Variants in TRAPPC9 observed in about 807,000 individuals in gnomAD.
TRAPPC9 encodes the protein IKK2 binding protein.
Under a neutral mutation model 124.0 loss-of-function variants are expected in TRAPPC9, and 83 were observed. The observed-to-expected ratio is 0.67, with a 90% CI of 0.56 to 0.80. The LOEUF is 0.80. TRAPPC9 is among the 30% of genes least tolerant of loss of function. TRAPPC9 has a pLI of 0.00. For synonymous variants in TRAPPC9, 638 were observed against 617.5 expected, an observed-to-expected ratio of 1.03 and a Z score of -0.49; for missense variants, 1,302 against 1,508.3, an observed-to-expected ratio of 0.86 and a Z score of 2.27.
rs187231776 is a variant in TRAPPC9, at chr8:140,147,278, T to C, written c.2556+74181A>G. On this transcript the variant is annotated intron_variant, in intron 17 of 22. Transcript: ENST00000438773. ...TGCCATTGGCAAGAACCTCTTTCGA[T>C]GTCTGGATCTCTCCTCTGGGTCAAC... 3.9e-5 allele frequency among the ~76,000 whole-genome samples: 6 copies of C among 152,346 alleles called. 1 individual carries two copies. In the East Asian group the frequency reaches 1.2e-3, roughly 29 times the overall value.
intron 7 of TRAPPC9, among the ~76,000 whole-genome samples, chr8:140,373,464 C>T (rs935987654): frequency 6.6e-5 from 10 of 152,194 alleles, no homozygotes; most frequent in Non-Finnish European, 1.5e-4. Flanking sequence ...TGCCCTTCAG[C>T]GGGAAGCTGC....
chr8:139,986,878 C>T (rs1485784989), intron 19 of TRAPPC9, among the ~76,000 whole-genome samples: 1 of 152,222 alleles, frequency 6.6e-6, no homozygotes, highest in African/African-American at 2.4e-5. Flanking sequence ...GTTCCAATCT[C>T]TCCAGAAGGA....
intron 4 of TRAPPC9, among the ~76,000 whole-genome samples, chr8:140,430,828 T>G (rs905278607): frequency 6.6e-6 from 1 of 151,912 alleles, no homozygotes; most frequent in Non-Finnish European, 1.5e-5. Flanking sequence ...TTTGTAGAGA[T>G]AGGATTTCAC....
Position 139,960,575 on chromosome 8 carries a change from C to T in TRAPPC9, c.2810+28151G>A, listed in dbSNP as rs529253371. ...GCCTTCCACAGGCCACACCGCCCCA[C>T]GGCTACCAACCACTGTGACAGGTGA... On this transcript the variant is annotated intron_variant, in intron 19 of 22. Transcript: ENST00000438773. 7.9e-4 allele frequency among the ~76,000 whole-genome samples: 121 copies of T among 152,366 alleles called. 3 individuals carry two copies. Among genetic ancestry groups the T allele is most frequent in the African/African-American group, 2.7e-3 (114 of 41,582 alleles).
chr8:140,425,364 G>A (rs2070385877), intron 5 of TRAPPC9, among the ~76,000 whole-genome samples: 1 of 152,160 alleles, frequency 6.6e-6, no homozygotes, highest in African/African-American at 2.4e-5. Context: ...ACTGGTTTCT[G>A]GGTCCTTCCT....
intron 7 of TRAPPC9, among the ~76,000 whole-genome samples, chr8:140,392,600 C>T (rs929079863): frequency 3.3e-5 from 5 of 152,216 alleles, no homozygotes; most frequent in African/African-American, 9.6e-5. Context: ...GGCTAGCAGA[C>T]GACGGACACA....
chr8:140,040,216 C>T (rs1841179822), intron 17 of TRAPPC9: 1 of 152,430 alleles, frequency 6.6e-6, no homozygotes, highest in Non-Finnish European at 1.5e-5. Flanking sequence ...CTATCCACAA[C>T]AATCATGGCC....
rs560408576 is a variant in TRAPPC9 at position 140,169,024 on chromosome 8, C to A, written c.2556+52435G>T. On this transcript the variant is annotated intron_variant, in intron 17 of 22. Coordinates refer to ENST00000438773, the MANE Select transcript of TRAPPC9 (RefSeq NM_001160372.4). ...AAACTGTTTTCGAGGGGCTCGCGGT[C>A]CCCTGGAAGGACAGGCAGATGAACC... Among the ~76,000 whole-genome samples the A allele has an allele frequency of 2.0e-5, 3 of 150,880 alleles. 1 individual carries two copies. The South Asian group carries it at 6.2e-4, about 31-fold the overall frequency.
At chr8:140,227,106 C>G (rs953331805) in intron 16 of TRAPPC9, among the ~76,000 whole-genome samples, 5 of 152,152 alleles carry the variant, frequency 3.3e-5, no homozygotes, top group Admixed American at 6.5e-5. Flanking sequence ...AAAACTGAAG[C>G]TGAGCCCTTC....
At chr8:139,867,837 T>C (rs1318863609) in intron 21 of TRAPPC9, among the ~76,000 whole-genome samples, 1 of 152,158 alleles carries the variant, frequency 6.6e-6, no homozygotes, top group African/African-American at 2.4e-5. Context: ...ATATAACAGC[T>C]CAACGCAGCA....
At chr8:140,238,215 A>T (rs1384958292) in intron 16 of TRAPPC9, 1 of 152,228 alleles carries the variant, frequency 6.6e-6, no homozygotes, top group Non-Finnish European at 1.5e-5. Flanking sequence ...GATGAATGAC[A>T]AACACCTGGA....
At chr8:140,318,630 G>T (rs1480437716) in intron 9 of TRAPPC9, among the ~76,000 whole-genome samples, 5 of 152,180 alleles carry the variant, frequency 3.3e-5, no homozygotes, top group Non-Finnish European at 7.3e-5. Flanking sequence ...TACAGTATTT[G>T]TCTTTCTGTG....
At chr8:139,803,403 C>T (rs1305870603) in intron 21 of TRAPPC9, among the ~76,000 whole-genome samples, 2 of 152,248 alleles carry the variant, frequency 1.3e-5, no homozygotes, top group African/African-American at 4.8e-5. Context: ...ACAGGTGCTC[C>T]TGCCTCTGAT....
intron 17 of TRAPPC9, among the ~76,000 whole-genome samples, chr8:140,170,588 A>G (rs182485346): frequency 1.3e-5 from 2 of 152,358 alleles, no homozygotes; most frequent in Admixed American, 1.3e-4. Flanking sequence ...ACTCTGGTCT[A>G]TAACAGAATG....
At chr8:140,038,795 C>T (rs541599800) in intron 17 of TRAPPC9, among the ~76,000 whole-genome samples, 2 of 152,346 alleles carry the variant, frequency 1.3e-5, no homozygotes, top group Non-Finnish European at 2.9e-5. Flanking sequence ...AATCCACGTG[C>T]TTAGATGGTT....
chr8:140,122,913 C>T (rs964085448), intron 17 of TRAPPC9, among the ~76,000 whole-genome samples: 6 of 152,230 alleles, frequency 3.9e-5, no homozygotes, highest in African/African-American at 7.2e-5. Context: ...ATCCCGAGCA[C>T]GAGGTTATTC....
At chr8:139,763,872 T>C (rs964368266) in intron 21 of TRAPPC9, among the ~76,000 whole-genome samples, 1 of 152,140 alleles carries the variant, frequency 6.6e-6, no homozygotes, top group Non-Finnish European at 1.5e-5. Context: ...GGGTCAGGTG[T>C]TGGGCCTCAG....
At chr8:140,407,306 T>C (rs1318979868) in intron 5 of TRAPPC9, among the ~76,000 whole-genome samples, 2 of 152,322 alleles carry the variant, frequency 1.3e-5, no homozygotes, top group East Asian at 3.9e-4. Flanking sequence ...TACATTTGTT[T>C]CTAGCATAAG....
At chr8:139,906,686 G>A (rs1480381450) in intron 20 of TRAPPC9, among the ~76,000 whole-genome samples, 1 of 152,166 alleles carries the variant, frequency 6.6e-6, no homozygotes, top group Admixed American at 6.5e-5. Context: ...CTTTCTTCCT[G>A]TGCCGCTCCC....
Sources: gnomAD v4.1 joint callset for allele counts (sites outside exome capture counted in the v4.1 genomes callset) on GRCh38, gnomAD v4.1.1 for gene constraint, MANE v1.5 for transcripts, NCBI Gene and HGNC (gene_info 2026-07-23, HGNC 2026-07-21) for gene names.